ASTN1: variants seen among roughly 807,000 people sequenced by gnomAD.
ASTN1 encodes the protein astrotactin 1, also known as astrotactin-1.
A neutral mutation model predicts 140.7 loss-of-function variants in ASTN1; 41 were observed. The observed-to-expected ratio is 0.29, with a 90% CI of 0.23 to 0.38. The LOEUF (loss-of-function observed/expected upper bound fraction) is 0.38. Ranked by LOEUF, ASTN1 falls within the 10% of genes least tolerant of loss-of-function variation. ASTN1 has a pLI of 1.00. For synonymous variants in ASTN1, 640 were observed against 652.2 expected (o/e 0.98, Z 0.29); for missense variants, 1,479 against 1,678.8 (o/e 0.88, Z 2.08).
rs1361604547 is a variant in ASTN1 at position 176,949,207 on chromosome 1, A to C, written c.2032T>G (p.Tyr678Asp). The change falls in exon 12 of 23, where the codon TAT becomes GAT. Residue 678 changes from tyrosine to aspartate, a missense_variant. By Grantham distance (160) the Tyr-to-Asp change is radical. Coordinates refer to ENST00000361833, the MANE Select transcript of ASTN1 (RefSeq NM_004319.3). ...CACCCACAGAACATGAGGATGTTATACAAGGTGGGGTCGTCCGGGAAGGGC... is the reference window on the plus strand; with the variant it reads ...CACCCACAGAACATGAGGATGTTATCCAAGGTGGGGTCGTCCGGGAAGGGC... ...MAPFPDDPTL[Y>D]NILMFCGCIE... 3 of 1,614,034 alleles carry C rather than the reference A, an allele frequency of 1.9e-6. No homozygotes were observed. The highest frequency in any genetic ancestry group is 2.5e-6 in the Non-Finnish European group (3 of 1,180,020).
Position 176,864,319 on chromosome 1 carries a change from G to C in ASTN1, c.3850C>G (p.Pro1284Ala), listed in dbSNP as rs146353059. 500 of 1,613,942 alleles carry C rather than the reference G, an allele frequency of 3.1e-4. No individual in the cohort carries two copies. The highest frequency in any genetic ancestry group is 4.0e-4 in the Non-Finnish European group (476 of 1,180,008). The change falls in exon 23 of 23, where the codon CCC becomes GCC. Residue 1284 changes from proline (P) to alanine (A), a missense_variant. By Grantham distance (27) the Pro-to-Ala change is conservative (BLOSUM62 -1). Transcript: ENST00000361833. The part of the protein sequence containing the change: ...KTCEEQTLSI[P>A]YNDYGDSKEI ...TTGCTGTCCCCATAGTCGTTGTAGGGGATACTCAGGGTCTGCTCCTCACAC... is the reference window on the plus strand; with the variant it reads ...TTGCTGTCCCCATAGTCGTTGTAGGCGATACTCAGGGTCTGCTCCTCACAC...
chr1:177,106,542 A>G (rs1238153241), intron 1 of ASTN1, among the ~76,000 whole-genome samples: 1 of 152,180 alleles, frequency 6.6e-6, no homozygotes, highest in Non-Finnish European at 1.5e-5. Flanking sequence ...GCCTCTGCTA[A>G]ACTGGTCATT....
At chr1:176,982,727 T>A (rs1046438536) in intron 8 of ASTN1, among the ~76,000 whole-genome samples, 1 of 152,144 alleles carries the variant, frequency 6.6e-6, no homozygotes, top group African/African-American at 2.4e-5. Context: ...CATGGGTATG[T>A]TTTAACGTAC....
intron 1 of ASTN1, among the ~76,000 whole-genome samples, chr1:177,151,189 C>A (rs751661346): frequency 1.3e-5 from 2 of 151,846 alleles, no homozygotes; most frequent in Non-Finnish European, 2.9e-5. Context: ...ATTGTATGGG[C>A]CTAGAAGAAT....
chr1:176,894,922 T>G (rs924230037), intron 16 of ASTN1, 92 bp from the exon 17 acceptor site: 4 of 1,535,954 alleles, frequency 2.6e-6, no homozygotes, highest in Non-Finnish European at 3.5e-6. Context: ...GGTCCAATCT[T>G]TGGGATCAGA....
chr1:176,989,709 G>C (rs1489055803), intron 8 of ASTN1, among the ~76,000 whole-genome samples: 1 of 152,146 alleles, frequency 6.6e-6, no homozygotes, highest in Admixed American at 6.5e-5. Context: ...GTCCGGCAGG[G>C]CCATGACATT....
At chr1:176,894,873 A>C in intron 16 of ASTN1, 43 bp from the exon 17 acceptor site, 1 of 1,607,260 alleles carries the variant, frequency 6.2e-7, no homozygotes, top group Non-Finnish European at 8.5e-7. Context: ...GAGTCAAAAA[A>C]GTAAGGACTA....
At chr1:177,135,098 T>A (rs1203516031) in intron 1 of ASTN1, among the ~76,000 whole-genome samples, 4 of 152,070 alleles carry the variant, frequency 2.6e-5, no homozygotes, top group African/African-American at 9.7e-5. Context: ...GGCAGGTGGA[T>A]GTGCTTACTG....
chr1:176,996,261 C>CCTCTCTCT (rs146791378), intron 8 of ASTN1, among the ~76,000 whole-genome samples: 5 of 140,874 alleles, frequency 3.5e-5, no homozygotes, highest in African/African-American at 1.4e-4. Context: ...AGTCATATAT[C>CCTCTCTCT]CTCTCTCTCT....
chr1:177,061,334 C>T (rs973092696), intron 1 of ASTN1, 69 bp from the exon 2 acceptor site: 1 of 1,382,166 alleles, frequency 7.2e-7, no homozygotes, highest in East Asian at 2.6e-5. Context: ...TTCTTCCTCG[C>T]CACTTGTACC....
intron 16 of ASTN1, among the ~76,000 whole-genome samples, chr1:176,897,554 CT>C (rs1055088284): frequency 4.6e-5 from 7 of 150,852 alleles, no homozygotes; most frequent in African/African-American, 1.7e-4. Flanking sequence ...TCTAAAATGA[CT>C]TTCGTGAGCG....
intron 5 of ASTN1, among the ~76,000 whole-genome samples, chr1:177,027,413 A>T (rs528423333): frequency 6.6e-6 from 1 of 151,790 alleles, no homozygotes; most frequent in African/African-American, 2.4e-5. Flanking sequence ...TCATCGACCC[A>T]TAATCCAGCA....
chr1:176,964,041 C>T (rs1672771895), intron 9 of ASTN1, among the ~76,000 whole-genome samples: 1 of 152,174 alleles, frequency 6.6e-6, no homozygotes, highest in South Asian at 2.1e-4. Flanking sequence ...TAATAGAACA[C>T]TGCTATGGCT....
At chr1:177,159,987 A>C (rs1647265641) in intron 1 of ASTN1, among the ~76,000 whole-genome samples, 1 of 152,216 alleles carries the variant, frequency 6.6e-6, no homozygotes, top group East Asian at 1.9e-4. Flanking sequence ...GTGAGAAATC[A>C]CTCAATGGGC....
chr1:176,879,974 C>T (rs1177773089), intron 20 of ASTN1, among the ~76,000 whole-genome samples: 1 of 152,204 alleles, frequency 6.6e-6, no homozygotes, highest in Non-Finnish European at 1.5e-5. Context: ...TCAGAAAGGC[C>T]TCGGCTTACC....
At chr1:177,067,887 G>C (rs897507133) in intron 1 of ASTN1, among the ~76,000 whole-genome samples, 3 of 151,596 alleles carry the variant, frequency 2.0e-5, no homozygotes, top group African/African-American at 4.8e-5. Context: ...ACTAACCCGG[G>C]AAACAATGGC....
chr1:176,868,542 T>C (rs993983214), intron 22 of ASTN1, among the ~76,000 whole-genome samples: 39 of 152,246 alleles, frequency 2.6e-4, no homozygotes, highest in African/African-American at 9.4e-4. Context: ...ACCATGCTTT[T>C]GACTCTTTGA....
At chr1:177,119,851 C>T (rs539518557) in intron 1 of ASTN1, among the ~76,000 whole-genome samples, 1 of 152,316 alleles carries the variant, frequency 6.6e-6, no homozygotes, top group South Asian at 2.1e-4. Context: ...TGTCCCTTAA[C>T]ATCCCCCTCT....
intron 1 of ASTN1, among the ~76,000 whole-genome samples, chr1:177,068,286 C>A (rs779037881): frequency 2.0e-5 from 3 of 152,110 alleles, no homozygotes; most frequent in African/African-American, 4.8e-5. Context: ...CTATGTGGAA[C>A]AAAAGCTTTA....
Sources: gnomAD v4.1 joint callset for allele counts (sites outside exome capture counted in the v4.1 genomes callset) on GRCh38, gnomAD v4.1.1 for gene constraint, MANE v1.5 for transcripts, NCBI Gene and HGNC (gene_info 2026-07-23, HGNC 2026-07-21) for gene names.